The following WDR43 variants were observed in gnomAD, a reference collection of about 807,000 sequenced individuals.
WDR43 encodes the protein WD repeat domain 43, also known as WD repeat-containing protein 43.
WDR43 carries 13 observed loss-of-function variants against 91.4 expected under a neutral mutation model. The observed-to-expected ratio is 0.14, with a 90% CI of 0.09 to 0.23. The LOEUF is 0.23. WDR43 is among the 10% of genes least tolerant of loss of function. WDR43 has a pLI of 1.00. For synonymous variants in WDR43, 331 were observed against 287.9 expected, an observed-to-expected ratio of 1.15 and a Z score of -1.51; for missense variants, 780 against 809.4, an observed-to-expected ratio of 0.96 and a Z score of 0.44.
At chr2:28,909,558 A>G (rs773605023) in intron 3 of WDR43, among the ~76,000 whole-genome samples, 1 of 152,058 alleles carries the variant, frequency 6.6e-6, no homozygotes, top group Admixed American at 6.6e-5. Context: ...GCCTGTTGCT[A>G]TTTGGAAACA....
chr2:28,940,844 T>C (rs918603988), intron 14 of WDR43, among the ~76,000 whole-genome samples: 1 of 152,168 alleles, frequency 6.6e-6, no homozygotes, highest in Admixed American at 6.5e-5. Context: ...GTTCCAAATA[T>C]AACAGCTATA....
rs1670441572 is a variant in WDR43 at position 28,894,824 on chromosome 2, G to A, written c.126G>A (p.Glu42=). 4 of 1,611,356 alleles carry A rather than the reference G, an allele frequency of 2.5e-6. No homozygotes were observed. The highest frequency in any genetic ancestry group is 1.3e-5 in the African/African-American group (1 of 74,912). Reference sequence around the variant, plus strand: ...CCGACGGTCACTTACGAGTATGGGAGACGGCCAACAACCGGCTGCACCAGG... The same window carrying A: ...CCGACGGTCACTTACGAGTATGGGAAACGGCCAACAACCGGCTGCACCAGG... The part of the protein sequence containing the change: ...ASTDGHLRVW[E]TANNRLHQEY... The change falls in exon 1 of 18, where the codon GAG becomes GAA. Residue 42 remains glutamate, a synonymous_variant. Transcript: ENST00000407426.
intron 4 of WDR43, 71 bp downstream of exon 4, chr2:28,912,781 C>G: frequency 6.4e-7 from 1 of 1,552,478 alleles, no homozygotes; most frequent in Non-Finnish European, 8.7e-7. Context: ...AAGTTTGAAC[C>G]ATAAGATATT....
chr2:28,920,324 C>G lies in WDR43; in HGVS notation c.849+2329C>G, dbSNP rs142754062. Among the ~76,000 whole-genome samples the G allele has an allele frequency of 1.3e-3, 178 of 139,724 alleles. 1 individual carries two copies. Among genetic ancestry groups the G allele is most frequent in the African/African-American group, 4.6e-3 (167 of 36,702 alleles). 91.7% of individuals were successfully genotyped at this position (139,724 alleles called of 152,430 possible). On this transcript the variant is annotated intron_variant, in intron 6 of 17. Coordinates refer to ENST00000407426, the MANE Select transcript of WDR43 (RefSeq NM_015131.3). ...CACTGCAATCTCTGCTTCCCAGGTT[C>G]AAATGATCCTTCTGCCTCAATATCC...
intron 14 of WDR43, 39 bp from the exon 15 acceptor site, chr2:28,941,422 A>G (rs1475144384): frequency 1.1e-5 from 16 of 1,493,684 alleles, no homozygotes; most frequent in Middle Eastern, 1.7e-4. Context: ...CGTCATCTCT[A>G]ATACGTTAAT....
At position 28,947,919 on chromosome 2, in the gene WDR43, C is replaced by G. The variant is rs1446936093; in HGVS notation, c.*1140C>G. On this transcript the variant is annotated 3_prime_UTR_variant, in exon 18 of 18. Coordinates refer to ENST00000407426, the MANE Select transcript of WDR43 (RefSeq NM_015131.3). ...AATGAGCCGATATTGGCTTAGTGCT[C>G]ACTAGGGGACATGCACATGGAAGCT... 7.2e-6 allele frequency: 1 copy of G among 138,620 alleles called. No homozygotes were observed. Among genetic ancestry groups the G allele is most frequent in the African/African-American group, 2.7e-5 (1 of 36,728 alleles). 8.6% of individuals were successfully genotyped at this position (138,620 alleles called of 1,614,324 possible). A position where few individuals can be genotyped will look rare whatever the true frequency, so the allele number is the denominator to read the frequency against.
Sources: allele counts gnomAD v4.1 joint callset (sites outside exome capture counted in the v4.1 genomes callset), GRCh38; gene constraint gnomAD v4.1.1; transcripts MANE v1.5; gene names NCBI Gene and HGNC (gene_info 2026-07-23, HGNC 2026-07-21).